The following PDZRN4 variants were observed in gnomAD, a reference collection of about 807,000 sequenced individuals.
PDZRN4 encodes PDZ domain-containing RING finger protein 4.
Under a neutral mutation model 99.0 loss-of-function variants are expected in PDZRN4, and 70 were observed. The observed-to-expected ratio is 0.71, with a 90% CI of 0.58 to 0.86. PDZRN4 has a LOEUF of 0.86. Among genes scored for constraint, PDZRN4 ranks in the 40% least tolerant of loss-of-function variants. The pLI is 0.00. For synonymous variants in PDZRN4, 551 were observed against 501.6 expected (o/e 1.10, Z -1.32); for missense variants, 1,474 against 1,331.2 (o/e 1.11, Z -1.67).
intron 3 of PDZRN4, among the ~76,000 whole-genome samples, chr12:41,486,187 A>G (rs951208165): frequency 1.3e-5 from 2 of 152,184 alleles, no homozygotes; most frequent in African/African-American, 4.8e-5. Flanking sequence ...AAAAGACATT[A>G]AAATATTGAG....
chr12:41,260,799 T>G (rs767058024), intron 3 of PDZRN4, among the ~76,000 whole-genome samples: 18 of 152,204 alleles, frequency 1.2e-4, no homozygotes, highest in Non-Finnish European at 2.4e-4. Flanking sequence ...TTTTCTATAG[T>G]CTGCACTTCC....
intron 5 of PDZRN4, among the ~76,000 whole-genome samples, chr12:41,541,678 C>T (rs1938859142): frequency 6.6e-6 from 1 of 152,084 alleles, no homozygotes; most frequent in Admixed American, 6.5e-5. Context: ...TGGTCTTGAC[C>T]TCCTGACCTC....
At chr12:41,393,909 G>A (rs1349233964) in intron 3 of PDZRN4, among the ~76,000 whole-genome samples, 1 of 152,208 alleles carries the variant, frequency 6.6e-6, no homozygotes, top group Non-Finnish European at 1.5e-5. Flanking sequence ...GGTACAGGTA[G>A]CGTCTCTGCA....
intron 3 of PDZRN4, among the ~76,000 whole-genome samples, chr12:41,253,504 G>C (rs969919585): frequency 6.6e-6 from 1 of 152,140 alleles, no homozygotes; most frequent in Admixed American, 6.5e-5. Context: ...AGCCTGGTGA[G>C]GATGTGGAGA....
In PDZRN4 at chr12:41,405,172, C is replaced by A. The variant is rs569390038; in HGVS notation, c.844-101284C>A. Among the ~76,000 whole-genome samples, 6 of 152,128 alleles carry A rather than the reference C, an allele frequency of 3.9e-5. No individual in the cohort carries two copies. In the South Asian group the frequency reaches 1.2e-3, roughly 32 times the overall value. ...AAGCTATCAGTAAACAGACAACCTA[C>A]AGAATGGAAGAAAATATTCACAAAC... is the stretch of plus-strand genomic sequence containing the variant. On this transcript the variant is annotated intron_variant, in intron 3 of 9. Coordinates refer to ENST00000402685, the MANE Select transcript of PDZRN4 (RefSeq NM_001164595.2).
intron 3 of PDZRN4, among the ~76,000 whole-genome samples, chr12:41,234,433 G>T (rs1339379845): frequency 6.6e-6 from 1 of 152,010 alleles, no homozygotes; most frequent in South Asian, 2.1e-4. Flanking sequence ...GAGGGTATGG[G>T]TGTATTCCAT....
Position 41,194,245 on chromosome 12 carries a change from A to G in PDZRN4, c.843+57A>G, listed in dbSNP as rs921735543. 3 of 851,668 alleles carry G rather than the reference A, an allele frequency of 3.5e-6. No homozygotes were observed. In the African/African-American group the frequency reaches 5.0e-5, roughly 14 times the overall value. The allele number at this position is 851,668 out of a possible 1,614,324, so 52.8% of individuals were successfully genotyped here. A position where few individuals can be genotyped will look rare whatever the true frequency, so the allele number is the denominator to read the frequency against. On this transcript the variant is annotated intron_variant, in intron 3 of 9. Coordinates refer to ENST00000402685, the MANE Select transcript of PDZRN4 (RefSeq NM_001164595.2). ...ATGCAAGAAAGATTGGGATATTTTA[A>G]GTTTTCAAATTTACCACTTTACCTT... is the stretch of plus-strand genomic sequence containing the variant.
At chr12:41,551,606 C>A (rs1331560973) in intron 5 of PDZRN4, among the ~76,000 whole-genome samples, 1 of 152,136 alleles carries the variant, frequency 6.6e-6, no homozygotes, top group Non-Finnish European at 1.5e-5. Flanking sequence ...CTGTTGTAGG[C>A]ACTGGAGAAA....
In PDZRN4 at chr12:41,329,126, G is replaced by T. The variant is rs995021591; in HGVS notation, c.843+134938G>T. On this transcript the variant is annotated intron_variant, in intron 3 of 9. Coordinates refer to ENST00000402685, the MANE Select transcript of PDZRN4 (RefSeq NM_001164595.2). ...CTAGGGATAAGGTTAGAATCGTATT[G>T]CATCTTCTTGACAGCATCCGCTGCT... is the stretch of plus-strand genomic sequence containing the variant. Among the ~76,000 whole-genome samples, 5 of 152,074 alleles carry T rather than the reference G, an allele frequency of 3.3e-5. No homozygotes were observed. The East Asian group carries it at 9.7e-4, about 29-fold the overall frequency.
At chr12:41,272,143 G>T (rs1402023040) in intron 3 of PDZRN4, among the ~76,000 whole-genome samples, 1 of 151,430 alleles carries the variant, frequency 6.6e-6, no homozygotes, top group East Asian at 1.9e-4. Context: ...CAAAGATTTT[G>T]TCTATGTCCA....
chr12:41,419,965 C>T (rs2120404432), intron 3 of PDZRN4, among the ~76,000 whole-genome samples: 1 of 152,248 alleles, frequency 6.6e-6, no homozygotes. Flanking sequence ...AGGCAGTTTC[C>T]ATGTCCTTGA....
chr12:41,218,568 A>ATGT (rs1950935528), intron 3 of PDZRN4, among the ~76,000 whole-genome samples: 1 of 152,142 alleles, frequency 6.6e-6, no homozygotes, highest in Admixed American at 6.6e-5. Flanking sequence ...TACCCCCTGT[A>ATGT]AAGAGTGTTC....
intron 3 of PDZRN4, among the ~76,000 whole-genome samples, chr12:41,438,542 TC>T: frequency 6.6e-6 from 1 of 152,186 alleles, no homozygotes; most frequent in Middle Eastern, 3.2e-3. Context: ...ATATGCTATG[TC>T]CTGGCTGAAA....
At chr12:41,341,508 A>C (rs1210323371) in intron 3 of PDZRN4, among the ~76,000 whole-genome samples, 1 of 151,878 alleles carries the variant, frequency 6.6e-6, no homozygotes, top group Non-Finnish European at 1.5e-5. Context: ...AGTTATAAGA[A>C]ACAAAATCAA....
At chr12:41,225,901 C>T (rs1385339794) in intron 3 of PDZRN4, among the ~76,000 whole-genome samples, 9 of 152,024 alleles carry the variant, frequency 5.9e-5, no homozygotes, top group Admixed American at 3.3e-4. Context: ...GAGCCAGGCA[C>T]CCCCCTGGAG....
intron 5 of PDZRN4, among the ~76,000 whole-genome samples, chr12:41,529,721 C>A (rs1938627815): frequency 6.6e-6 from 1 of 152,108 alleles, no homozygotes; most frequent in Admixed American, 6.6e-5. Context: ...TGTGGGAGTT[C>A]CTCAAATCAC....
At chr12:41,498,374 A>C (rs1193069342) in intron 3 of PDZRN4, among the ~76,000 whole-genome samples, 1 of 152,144 alleles carries the variant, frequency 6.6e-6, no homozygotes, top group Non-Finnish European at 1.5e-5. Flanking sequence ...CATACTGGGC[A>C]ATTTATAATT....
chr12:41,282,660 AAAAC>A (rs1319678633), intron 3 of PDZRN4, among the ~76,000 whole-genome samples: 3 of 152,226 alleles, frequency 2.0e-5, no homozygotes, highest in Non-Finnish European at 4.4e-5. Flanking sequence ...AACGGAAATC[AAAAC>A]AAACAGTCTC....
At chr12:41,399,797 G>GA (rs1055895990) in intron 3 of PDZRN4, among the ~76,000 whole-genome samples, 1 of 151,856 alleles carries the variant, frequency 6.6e-6, no homozygotes, top group Non-Finnish European at 1.5e-5. Context: ...TAACACAAGG[G>GA]AAAAAAATTC....
Sources: gnomAD v4.1 joint callset for allele counts (sites outside exome capture counted in the v4.1 genomes callset) on GRCh38, gnomAD v4.1.1 for gene constraint, MANE v1.5 for transcripts, NCBI Gene and HGNC (gene_info 2026-07-23, HGNC 2026-07-21) for gene names.